The following COG6 variants were observed in gnomAD, a reference collection of about 807,000 sequenced individuals.
COG6 encodes component of oligomeric golgi complex 6.
A neutral mutation model predicts 88.8 loss-of-function variants in COG6; 74 were observed. The observed-to-expected ratio is 0.83, with a 90% CI of 0.69 to 1.01. The LOEUF is 1.01. Among genes scored for constraint, COG6 ranks in the 50% least tolerant of loss-of-function variants. The probability of loss-of-function intolerance (pLI) is 0.00; values close to 1 mark genes in which losing one functional copy is unlikely to be tolerated. For synonymous variants in COG6, 286 were observed against 278.7 expected, an observed-to-expected ratio of 1.03 and a Z score of -0.26; for missense variants, 800 against 797.9, an observed-to-expected ratio of 1.00 and a Z score of -0.03.
intron 18 of COG6, among the ~76,000 whole-genome samples, chr13:39,734,422 G>T (rs1879624597): frequency 6.6e-6 from 1 of 151,930 alleles, no homozygotes; most frequent in African/African-American, 2.4e-5. Flanking sequence ...AATTATTATT[G>T]TTATTGATTT....
chr13:39,714,224 G>GTTT (rs143237550), intron 13 of COG6, among the ~76,000 whole-genome samples: 2 of 149,820 alleles, frequency 1.3e-5, no homozygotes, highest in East Asian at 1.9e-4. Flanking sequence ...ATTTTTGAAA[G>GTTT]TTTTTTTTTT....
At chr13:39,763,064 G>T (rs185018081) in intron 18 of COG6, among the ~76,000 whole-genome samples, 51 of 151,606 alleles carry the variant, frequency 3.4e-4, no homozygotes, top group African/African-American at 1.2e-3. Context: ...TCCTTTATTT[G>T]TTAATGTGAT....
chr13:39,757,817 G>T (rs1321085033), intron 18 of COG6, among the ~76,000 whole-genome samples: 1 of 152,168 alleles, frequency 6.6e-6, no homozygotes, highest in Non-Finnish European at 1.5e-5. Flanking sequence ...CTTCCCTGGT[G>T]AATTCACTGG....
chr13:39,730,605 C>T (rs1267880410), intron 18 of COG6, among the ~76,000 whole-genome samples: 1 of 151,192 alleles, frequency 6.6e-6, no homozygotes, highest in Non-Finnish European at 1.5e-5. Flanking sequence ...GAAACCCTGT[C>T]TCTACTGAAA....
At chr13:39,788,252 G>T in intron 18 of COG6, 1 of 1,329,850 alleles carries the variant, frequency 7.5e-7, no homozygotes. Context: ...CCCTCCCTGT[G>T]AATATGCAGG....
exon 19 of COG6, chr13:39,790,688 AAC>A (rs1881913557): frequency 6.6e-6 from 1 of 152,026 alleles, no homozygotes; most frequent in Non-Finnish European, 1.5e-5. Flanking sequence ...ACTTAAGGAG[AAC>A]TGACATCTTT....
At chr13:39,701,626 T>C (rs1877584046) in intron 13 of COG6, among the ~76,000 whole-genome samples, 2 of 151,944 alleles carry the variant, frequency 1.3e-5, no homozygotes, top group Non-Finnish European at 2.9e-5. Flanking sequence ...GCATGGTTAA[T>C]AATGACAGAT....
chr13:39,765,025 A>G (rs955554317), intron 18 of COG6, among the ~76,000 whole-genome samples: 1 of 152,106 alleles, frequency 6.6e-6, no homozygotes, highest in African/African-American at 2.4e-5. Context: ...TTTTTACGCT[A>G]TTTCTAGATA....
intron 5 of COG6, chr13:39,677,957 G>A: frequency 2.9e-6 from 1 of 345,592 alleles, no homozygotes; most frequent in Admixed American, 4.3e-5. Flanking sequence ...TGAAATGTGA[G>A]GATTTAGCCT....
chr13:39,748,014 A>G (rs1240442744), intron 18 of COG6, among the ~76,000 whole-genome samples: 1 of 152,180 alleles, frequency 6.6e-6, no homozygotes, highest in Non-Finnish European at 1.5e-5. Flanking sequence ...TGTACTCCTT[A>G]TATACGATCA....
chr13:39,739,753 C>CT (rs1186922441), intron 18 of COG6, among the ~76,000 whole-genome samples: 4 of 152,104 alleles, frequency 2.6e-5, no homozygotes, highest in Non-Finnish European at 4.4e-5. Context: ...TGCATAGTTA[C>CT]TGTCACATCT....
chr13:39,730,542 G>C (rs1021911156), intron 18 of COG6, among the ~76,000 whole-genome samples: 1 of 151,734 alleles, frequency 6.6e-6, no homozygotes, highest in Admixed American at 6.6e-5. Context: ...TTGGGAGGTC[G>C]AGGCAGGCAG....
chr13:39,782,403 G>A (rs1371398849), intron 18 of COG6, among the ~76,000 whole-genome samples: 1 of 152,226 alleles, frequency 6.6e-6, no homozygotes, highest in Admixed American at 6.5e-5. Context: ...TGGGCAATCA[G>A]CAAAAGAGTT....
chr13:39,672,973 C>T (rs1429047343), intron 4 of COG6, among the ~76,000 whole-genome samples: 2 of 151,978 alleles, frequency 1.3e-5, no homozygotes, highest in Admixed American at 6.6e-5. Context: ...TTTGCATTTT[C>T]CTAATGACTA....
intron 18 of COG6, among the ~76,000 whole-genome samples, chr13:39,741,069 T>C (rs948054736): frequency 7.2e-5 from 11 of 152,216 alleles, no homozygotes; most frequent in African/African-American, 2.7e-4. Flanking sequence ...TCACTGATTT[T>C]TGGAAGTAAG....
chr13:39,736,561 CATGCCTGTA>C (rs1879755466), intron 18 of COG6, among the ~76,000 whole-genome samples: 1 of 151,626 alleles, frequency 6.6e-6, no homozygotes, highest in African/African-American at 2.4e-5. Context: ...CATAGTGGTG[CATGCCTGTA>C]ATCCCAGCTA....
intron 1 of COG6, among the ~76,000 whole-genome samples, chr13:39,657,475 C>G (rs928876881): frequency 6.6e-6 from 1 of 151,974 alleles, no homozygotes; most frequent in African/African-American, 2.4e-5. Context: ...CTTCTTTGAA[C>G]CAGACCTTAG....
At chr13:39,712,068 C>G (rs944690182) in intron 13 of COG6, among the ~76,000 whole-genome samples, 3 of 152,160 alleles carry the variant, frequency 2.0e-5, no homozygotes, top group Admixed American at 1.3e-4. Context: ...CCATATTGGC[C>G]AGGTTGGTCT....
At chr13:39,681,014 A>G (rs2137990404) in intron 7 of COG6, among the ~76,000 whole-genome samples, 1 of 152,240 alleles carries the variant, frequency 6.6e-6, no homozygotes, top group South Asian at 2.1e-4. Flanking sequence ...GAGGGCCATT[A>G]TTTTGCCTAC....
Sources: allele counts gnomAD v4.1 joint callset (sites outside exome capture counted in the v4.1 genomes callset), GRCh38; gene constraint gnomAD v4.1.1; transcripts MANE v1.5; gene names NCBI Gene and HGNC (gene_info 2026-07-23, HGNC 2026-07-21).